Variants in SCYL2 observed in about 807,000 individuals in gnomAD.
SCYL2 encodes SCY1 like pseudokinase 2, also known as SCY1-like protein 2.
SCYL2 carries 36 observed loss-of-function variants against 100.4 expected under a neutral mutation model. The observed-to-expected ratio is 0.36, with a 90% confidence interval of 0.27 to 0.47. The LOEUF (loss-of-function observed/expected upper bound fraction) is 0.47. Among genes scored for constraint, SCYL2 ranks in the 20% least tolerant of loss-of-function variants. SCYL2 has a pLI of 1.00. For missense variants in SCYL2, 902 were observed against 1,083.9 expected, an observed-to-expected ratio of 0.83 and a Z score of 2.36; for synonymous variants, 330 against 359.2, an observed-to-expected ratio of 0.92 and a Z score of 0.92.
intron 5 of SCYL2, among the ~76,000 whole-genome samples, 170 bp downstream of exon 5, chr12:100,311,363 C>T (rs2070756232): frequency 6.6e-6 from 1 of 151,766 alleles, no homozygotes; most frequent in African/African-American, 2.4e-5. Context: ...ATTACTACCA[C>T]AGTAGTTAAT....
At chr12:100,335,958 C>G (rs779099487) in intron 16 of SCYL2, 52 bp downstream of exon 16, 1 of 1,303,380 alleles carries the variant, frequency 7.7e-7, no homozygotes, top group East Asian at 2.3e-5. Flanking sequence ...TGTAGGACTT[C>G]CTGTAAACCA....
chr12:100,309,894 T>G (rs1432771438), intron 4 of SCYL2, among the ~76,000 whole-genome samples: 1 of 152,222 alleles, frequency 6.6e-6, no homozygotes, highest in Non-Finnish European at 1.5e-5. Flanking sequence ...ACACAAAGAT[T>G]CTAGTTTCTC....
In SCYL2 at chr12:100,267,679, G is replaced by A. The variant is rs1393708300; in HGVS notation, c.-142G>A. The A allele has an allele frequency of 2.0e-5, 3 of 152,418 alleles. No individual in the cohort carries two copies. Among genetic ancestry groups the A allele is most frequent in the Non-Finnish European group, 2.9e-5 (2 of 68,194 alleles). 9.4% of individuals were successfully genotyped at this position (152,418 alleles called of 1,614,324 possible). ...GAGGCCTTGAGGCGACGGGAGACCCGGGATCGAAGTCAGCTGCCGGAGGGA... is the reference window on the plus strand; with the variant it reads ...GAGGCCTTGAGGCGACGGGAGACCCAGGATCGAAGTCAGCTGCCGGAGGGA... On this transcript the variant is annotated 5_prime_UTR_variant, in exon 1 of 18. Coordinates refer to ENST00000360820, the MANE Select transcript of SCYL2 (RefSeq NM_017988.6).
At chr12:100,291,741 G>A (rs2096310926) in intron 3 of SCYL2, 81 bp downstream of exon 3, 25 of 1,345,336 alleles carry the variant, frequency 1.9e-5, no homozygotes, top group South Asian at 2.9e-5. Context: ...TCTGTTTCAA[G>A]TATTGTCAGT....
At chr12:100,334,638 AT>A (rs1047244619) in intron 14 of SCYL2, among the ~76,000 whole-genome samples, 2 of 151,338 alleles carry the variant, frequency 1.3e-5, no homozygotes, top group Non-Finnish European at 3.0e-5. Context: ...TAGTGTTTTG[AT>A]TTTTTTTTCA....
chr12:100,299,116 T>A (rs753480830), intron 4 of SCYL2, among the ~76,000 whole-genome samples: 1 of 152,000 alleles, frequency 6.6e-6, no homozygotes, highest in East Asian at 1.9e-4. Context: ...GCACCTGTGG[T>A]CCCAGCTACT....
chr12:100,275,099 T>G (rs1230206016), intron 1 of SCYL2, among the ~76,000 whole-genome samples: 1 of 152,240 alleles, frequency 6.6e-6, no homozygotes, highest in Non-Finnish European at 1.5e-5. Flanking sequence ...ATTGTATAGA[T>G]CTTGCATAGC....
chr12:100,292,745 G>A (rs2096312086), intron 3 of SCYL2, among the ~76,000 whole-genome samples: 1 of 152,088 alleles, frequency 6.6e-6, no homozygotes, highest in African/African-American at 2.4e-5. Context: ...GATTCATTTT[G>A]TCATTCTGAT....
At chr12:100,294,864 G>T (rs1413443064) in intron 3 of SCYL2, among the ~76,000 whole-genome samples, 15 of 151,912 alleles carry the variant, frequency 9.9e-5, no homozygotes, top group Non-Finnish European at 2.2e-4. Context: ...TCCCAGACGG[G>T]GTGGCTGCCG....
intron 7 of SCYL2, 91 bp downstream of exon 7, chr12:100,313,629 C>T (rs1358731746): frequency 5.7e-5 from 38 of 668,082 alleles, no homozygotes; most frequent in Non-Finnish European, 3.5e-5. Context: ...ATATTTTTCC[C>T]CAGGGATCCC....
rs1555323027 is a variant in SCYL2 at position 100,338,760 on chromosome 12, A to G, written c.2378A>G (p.Asn793Ser). ...AACATGCCCGTTAATACAAACCAGAACTTCTACAGTAGTCCAAGCACAGTT... is the reference window on the plus strand; with the variant it reads ...AACATGCCCGTTAATACAAACCAGAGCTTCTACAGTAGTCCAAGCACAGTT... ...GFNMPVNTNQ[N>S]FYSSPSTVGV... Residue 793 changes from asparagine to serine, a missense_variant, in exon 18 of 18, where the codon AAC (asparagine) becomes AGC (serine). Transcript: ENST00000360820. 28 of 1,614,108 alleles carry G rather than the reference A, an allele frequency of 1.7e-5. 1 individual carries two copies. The South Asian group carries it at 2.9e-4, about 16-fold the overall frequency.
chr12:100,313,232 G>A (rs2096344345), intron 6 of SCYL2, among the ~76,000 whole-genome samples, 190 bp from the exon 7 acceptor site: 1 of 152,176 alleles, frequency 6.6e-6, no homozygotes, highest in Non-Finnish European at 1.5e-5. Context: ...ACATTTTACT[G>A]TAGGAATAGA....
chr12:100,335,785 A>C (rs1952268224), intron 15 of SCYL2, 26 bp from the exon 16 acceptor site: 2 of 1,601,930 alleles, frequency 1.2e-6, no homozygotes, highest in South Asian at 2.2e-5. Flanking sequence ...GAACTTATTT[A>C]AATTATTGAC....
chr12:100,272,955 A>G (rs763246835), intron 1 of SCYL2, among the ~76,000 whole-genome samples: 22 of 152,160 alleles, frequency 1.4e-4, no homozygotes, highest in Non-Finnish European at 3.1e-4. Context: ...TCTCTTCTCT[A>G]TCTTCCTTGA....
chr12:100,270,949 T>C (rs1268367003), intron 1 of SCYL2, among the ~76,000 whole-genome samples: 2 of 144,774 alleles, frequency 1.4e-5, no homozygotes. Flanking sequence ...GTCTTTTCAG[T>C]TTTTTATGTT....
At chr12:100,323,448 C>T in intron 10 of SCYL2, 77 bp from the exon 11 acceptor site, 2 of 849,328 alleles carry the variant, frequency 2.4e-6, no homozygotes, top group Non-Finnish European at 1.9e-6. Flanking sequence ...TTTAGCCATG[C>T]AAATGCAAAA....
intron 4 of SCYL2, among the ~76,000 whole-genome samples, chr12:100,298,854 T>C (rs1340757952): frequency 1.3e-5 from 2 of 152,170 alleles, no homozygotes; most frequent in Non-Finnish European, 2.9e-5. Context: ...AGTGCTGGGA[T>C]TACAAGAGTG....
chr12:100,283,283 A>T (rs2096300862), intron 2 of SCYL2, 136 bp downstream of exon 2: 4 of 671,612 alleles, frequency 6.0e-6, no homozygotes, highest in Non-Finnish European at 9.8e-6. Flanking sequence ...TTCTCATTTT[A>T]TCTTATTAAG....
chr12:100,276,996 C>A (rs903422925), intron 1 of SCYL2, among the ~76,000 whole-genome samples: 1 of 151,804 alleles, frequency 6.6e-6, no homozygotes, highest in Non-Finnish European at 1.5e-5. Flanking sequence ...TCTTTTTTAG[C>A]CCTTGGATTA....
Sources: allele counts gnomAD v4.1 joint callset (sites outside exome capture counted in the v4.1 genomes callset), GRCh38; gene constraint gnomAD v4.1.1; transcripts MANE v1.5; gene names NCBI Gene and HGNC (gene_info 2026-07-23, HGNC 2026-07-21).